Variants in CACNA1E observed in about 807,000 individuals in gnomAD.
CACNA1E encodes the protein calcium voltage-gated channel subunit alpha1 E, also known as voltage-dependent R-type calcium channel subunit alpha-1E.
CACNA1E carries 40 observed loss-of-function variants against 259.2 expected under a neutral mutation model. That is an observed-to-expected ratio of 0.15 (90% CI 0.12 to 0.20). CACNA1E has a LOEUF of 0.20. Among genes scored for constraint, CACNA1E ranks in the 10% least tolerant of loss-of-function variants. CACNA1E has a pLI of 1.00. For missense variants in CACNA1E, 1,874 were observed against 3,040.1 expected, an observed-to-expected ratio of 0.62 and a Z score of 9.02; for synonymous variants, 1,104 against 1,138.5, an observed-to-expected ratio of 0.97 and a Z score of 0.61.
intron 1 of CACNA1E, among the ~76,000 whole-genome samples, chr1:181,351,303 C>T (rs1653028566): frequency 1.3e-5 from 2 of 152,124 alleles, no homozygotes; most frequent in Admixed American, 1.3e-4. Flanking sequence ...GCTGTAGCCC[C>T]ACGGCTCAAG....
At chr1:181,458,824 C>CCCATCCATCCATCCAT (rs57607890) in intron 2 of CACNA1E, among the ~76,000 whole-genome samples, 1 of 150,490 alleles carries the variant, frequency 6.6e-6, no homozygotes, top group Admixed American at 6.6e-5. Flanking sequence ...CATTTATTTA[C>CCCATCCATCCATCCAT]CCATCCATCC....
intron 1 of CACNA1E, among the ~76,000 whole-genome samples, chr1:181,501,720 A>G (rs1157987209): frequency 6.7e-6 from 1 of 149,800 alleles, no homozygotes; most frequent in Non-Finnish European, 1.5e-5. Context: ...AGGAGTGGGG[A>G]AGAGAGAGAG....
chr1:181,715,973 A>T, intron 9 of CACNA1E, 67 bp from the exon 10 acceptor site: 1 of 1,131,872 alleles, frequency 8.8e-7, no homozygotes, highest in Non-Finnish European at 1.3e-6. Context: ...GCATTCCTCA[A>T]AATTTTGTCC....
At position 181,806,863 on chromosome 1, in the gene CACNA1E, A is replaced by C. The variant is rs1486984903; in HGVS notation, c.*8029A>C. The stretch of plus-strand genomic sequence containing the variant: ...GGAAATCATGGGAGTGAAGCCTGCC[A>C]GGACCCTCAGGGTAAGCTGGCAGCA... On this transcript the variant is annotated 3_prime_UTR_variant, in exon 48 of 48. Transcript: ENST00000367573. The C allele has an allele frequency of 6.6e-6, 1 of 152,210 alleles. No homozygotes were observed. The highest frequency in any genetic ancestry group is 1.5e-5 in the Non-Finnish European group (1 of 68,052). 9.4% of individuals were successfully genotyped at this position (152,210 alleles called of 1,614,324 possible).
At chr1:181,528,808 A>G (rs2102716316) in intron 3 of CACNA1E, among the ~76,000 whole-genome samples, 1 of 152,352 alleles carries the variant, frequency 6.6e-6, no homozygotes, top group South Asian at 2.1e-4. Context: ...GCAGCAAAGC[A>G]TTCAAAAGGT....
intron 1 of CACNA1E, among the ~76,000 whole-genome samples, chr1:181,403,156 C>T (rs753136545): frequency 3.3e-5 from 5 of 152,014 alleles, no homozygotes; most frequent in Non-Finnish European, 7.4e-5. Flanking sequence ...TTATTTAATC[C>T]TTTTAAGTCT....
rs1413337702 is a variant in CACNA1E at position 181,800,164 on chromosome 1, G to A, written c.*1330G>A. On this transcript the variant is annotated 3_prime_UTR_variant, in exon 48 of 48. Coordinates refer to ENST00000367573, the MANE Select transcript of CACNA1E (RefSeq NM_001205293.3). ...ATTCTGCAGCTGGTGTGGGGTTCAG[G>A]TCAGTTTGTCAGGATGCTTTAAGGT... 1.3e-5 allele frequency: 2 copies of A among 152,776 alleles called. No individual in the cohort carries two copies. Among genetic ancestry groups the A allele is most frequent in the Non-Finnish European group, 2.9e-5 (2 of 68,134 alleles). 9.5% of individuals were successfully genotyped at this position (152,776 alleles called of 1,614,324 possible).
intron 7 of CACNA1E, among the ~76,000 whole-genome samples, chr1:181,680,824 A>G (rs970056779): frequency 1.3e-5 from 2 of 151,860 alleles, no homozygotes; most frequent in East Asian, 1.9e-4. Flanking sequence ...CTCACTTCCT[A>G]TGTGTCTGAC....
At chr1:181,374,282 G>A (rs1342025305) in intron 1 of CACNA1E, among the ~76,000 whole-genome samples, 1 of 151,852 alleles carries the variant, frequency 6.6e-6, no homozygotes, top group African/African-American at 2.4e-5. Flanking sequence ...TGATGAGCAG[G>A]TTGTTTAATT....
At position 181,799,177 on chromosome 1, in the gene CACNA1E, T is replaced by TAC; in HGVS notation, c.*343_*344insAC. 1 of 194,894 alleles carries TAC rather than the reference T, an allele frequency of 5.1e-6. No homozygotes were observed. Among genetic ancestry groups the TAC allele is most frequent in the Non-Finnish European group, 1.0e-5 (1 of 95,838 alleles). The allele number at this position is 194,894 out of a possible 1,614,324, so 12.1% of individuals were successfully genotyped here. ...TCTAAAAGCTGTGGAGGGATCTAGCTGGCCTATGTCTACACTCAGTGCCCT... is the reference window on the plus strand; with the variant it reads ...TCTAAAAGCTGTGGAGGGATCTAGCTACGGCCTATGTCTACACTCAGTGCCCT... On this transcript the variant is annotated 3_prime_UTR_variant, in exon 48 of 48. Transcript: ENST00000367573.
At chr1:181,486,819 G>T in intron 1 of CACNA1E, among the ~76,000 whole-genome samples, 1 of 150,230 alleles carries the variant, frequency 6.7e-6, no homozygotes, top group South Asian at 2.1e-4. Context: ...AGGGGTCTTA[G>T]TTCAGGTGAA....
intron 7 of CACNA1E, among the ~76,000 whole-genome samples, chr1:181,705,339 T>G (rs1652689677): frequency 6.6e-6 from 1 of 152,264 alleles, no homozygotes; most frequent in Non-Finnish European, 1.5e-5. Flanking sequence ...GAATTAGCTG[T>G]GTATGAATAG....
At position 181,715,351 on chromosome 1, in the gene CACNA1E, C is replaced by T. The variant is rs186789666; in HGVS notation, c.1185C>T (p.Leu395=). The T allele has an allele frequency of 3.1e-5, 49 of 1,595,952 alleles. No homozygotes were observed. The East Asian group carries it at 3.8e-4, about 12-fold the overall frequency. The change falls in exon 9 of 48, where the codon CTC becomes CTT. Residue 395 remains leucine, a synonymous_variant. Transcript: ENST00000367573. ...AWIDKAEEVM[L]AEENKNAGTS... ...GTTTCCATATAGAGGAAGTCATGCT[C>T]GCTGAAGAAAATAAAAATGCTGGAA...
At chr1:181,640,527 T>C (rs888537114) in intron 6 of CACNA1E, among the ~76,000 whole-genome samples, 4 of 152,238 alleles carry the variant, frequency 2.6e-5, no homozygotes, top group Middle Eastern at 3.2e-3. Flanking sequence ...CAGACTTACA[T>C]AGTGTTTGAT....
At chr1:181,636,541 G>T (rs80280348) in intron 6 of CACNA1E, among the ~76,000 whole-genome samples, 1 of 152,160 alleles carries the variant, frequency 6.6e-6, no homozygotes, top group Admixed American at 6.5e-5. Flanking sequence ...AATGGATGGG[G>T]GCTGGACCTC....
intron 1 of CACNA1E, among the ~76,000 whole-genome samples, chr1:181,384,680 A>T (rs1403652689): frequency 6.6e-6 from 1 of 151,896 alleles, no homozygotes; most frequent in Middle Eastern, 3.2e-3. Context: ...TTCTCCTCCT[A>T]TCTTGGAAGG....
intron 2 of CACNA1E, among the ~76,000 whole-genome samples, chr1:181,452,013 G>A (rs1171373117): frequency 6.6e-6 from 1 of 152,258 alleles, no homozygotes; most frequent in African/African-American, 2.4e-5. Context: ...CATGCCAGGT[G>A]TGATGATTAA....
intron 1 of CACNA1E, among the ~76,000 whole-genome samples, chr1:181,508,411 C>T (rs950572007): frequency 3.9e-5 from 6 of 152,328 alleles, no homozygotes; most frequent in South Asian, 2.1e-4. Context: ...CTGGATCCAT[C>T]GCCCAAGCAT....
intron 1 of CACNA1E, among the ~76,000 whole-genome samples, chr1:181,354,448 C>T (rs1386247332): frequency 1.3e-5 from 2 of 152,172 alleles, no homozygotes; most frequent in Non-Finnish European, 2.9e-5. Context: ...CTTGAGTGAA[C>T]ACCTGAAGAA....
Sources: allele counts gnomAD v4.1 joint callset (sites outside exome capture counted in the v4.1 genomes callset), GRCh38; gene constraint gnomAD v4.1.1; transcripts MANE v1.5; gene names NCBI Gene and HGNC (gene_info 2026-07-23, HGNC 2026-07-21).